Variants in COPG2 observed in about 807,000 individuals in gnomAD.
COPG2 encodes coatomer subunit gamma-2.
Under a neutral mutation model 46.3 loss-of-function variants are expected in COPG2, and 37 were observed. The ratio of observed to expected loss-of-function variants is 0.80; its 90% CI spans 0.61 to 1.05. The LOEUF (loss-of-function observed/expected upper bound fraction) is 1.05. Among genes scored for constraint, COPG2 ranks in the 50% least tolerant of loss-of-function variants. The pLI is 0.00. For synonymous variants in COPG2, 159 were observed against 129.7 expected, an observed-to-expected ratio of 1.23 and a Z score of -1.53; for missense variants, 427 against 387.8, an observed-to-expected ratio of 1.10 and a Z score of -0.85.
At chr7:130,598,774 G>A (rs1315592252) in intron 9 of COPG2, among the ~76,000 whole-genome samples, 2 of 152,108 alleles carry the variant, frequency 1.3e-5, no homozygotes, top group African/African-American at 2.4e-5. Flanking sequence ...ATTTACCAAC[G>A]GGCTATCCAG....
intron 20 of COPG2, among the ~76,000 whole-genome samples, chr7:130,526,950 G>A: frequency 6.9e-6 from 1 of 144,634 alleles, no homozygotes; most frequent in Non-Finnish European, 1.5e-5. Flanking sequence ...GTGGGAATGG[G>A]GGTGGGGGGA....
intron 9 of COPG2, among the ~76,000 whole-genome samples, chr7:130,585,822 T>A (rs945116057): frequency 1.1e-4 from 16 of 152,110 alleles, no homozygotes; most frequent in African/African-American, 3.6e-4. Flanking sequence ...AAACAGTACA[T>A]GTTGGCATGG....
At chr7:130,564,436 G>T in intron 9 of COPG2, 43 bp from the exon 10 acceptor site, 1 of 398,258 alleles carries the variant, frequency 2.5e-6, no homozygotes, top group South Asian at 1.3e-4. Flanking sequence ...ATATCAAATA[G>T]AGAGGCAATA....
At chr7:130,547,544 AC>A in intron 20 of COPG2, 129 bp downstream of exon 20, 1 of 397,416 alleles carries the variant, frequency 2.5e-6, no homozygotes, top group Non-Finnish European at 4.4e-6. Flanking sequence ...ACACAAACAC[AC>A]ACACACAAAC....
chr7:130,557,930 T>C (rs1016127809), intron 12 of COPG2, among the ~76,000 whole-genome samples: 10 of 146,836 alleles, frequency 6.8e-5, no homozygotes, highest in African/African-American at 1.8e-4. Context: ...GAACAGAGTA[T>C]AGCAGTAGTA....
intron 20 of COPG2, chr7:130,510,097 G>A (rs1007806470): frequency 1.9e-6 from 1 of 520,022 alleles, no homozygotes; most frequent in Admixed American, 1.9e-5. Flanking sequence ...CTGGTGAGCT[G>A]AGGCAGTCAA....
chr7:130,508,238 A>AC (rs1799535079), intron 21 of COPG2: 2 of 259,080 alleles, frequency 7.7e-6, no homozygotes, highest in Non-Finnish European at 7.3e-6. Flanking sequence ...AACAAAACCA[A>AC]CCCCCTCCCC....
chr7:130,589,694 A>G (rs1333255205), intron 9 of COPG2, among the ~76,000 whole-genome samples: 2 of 152,238 alleles, frequency 1.3e-5, no homozygotes, highest in African/African-American at 4.8e-5. Flanking sequence ...AACACTAGAT[A>G]CTACAAAACA....
At chr7:130,610,426 A>G (rs943032477) in intron 9 of COPG2, 15 of 420,644 alleles carry the variant, frequency 3.6e-5, no homozygotes, top group African/African-American at 2.7e-4. Flanking sequence ...GCTCAGCCAT[A>G]AGCCTTCAGG....
At chr7:130,594,469 G>C (rs1479806781) in intron 9 of COPG2, among the ~76,000 whole-genome samples, 1 of 152,098 alleles carries the variant, frequency 6.6e-6, no homozygotes, top group East Asian at 1.9e-4. Flanking sequence ...TTTCTTAGGG[G>C]TAATACCAAA....
At chr7:130,561,375 A>G (rs1225801782) in intron 11 of COPG2, among the ~76,000 whole-genome samples, 154 bp from the exon 12 acceptor site, 1 of 152,232 alleles carries the variant, frequency 6.6e-6, no homozygotes, top group Non-Finnish European at 1.5e-5. Context: ...TTAACAAGGT[A>G]TATCTTTTAA....
rs1554461544 is a variant in COPG2, at chr7:130,666,930, C to T, written c.91-1G>A. On this transcript the variant is annotated splice_acceptor_variant, in intron 2 of 23. Coordinates refer to ENST00000425248, the MANE Select transcript of COPG2 (RefSeq NM_012133.6). LOFTEE classifies it high-confidence loss of function. ...TTGGAGTTTCATTGAATATACGAGC[C>T]TATGAAAAAACATAAAAAACATTGC... 1 of 1,524,456 alleles carries T rather than the reference C, an allele frequency of 6.6e-7. No individual in the cohort carries two copies. The highest frequency in any genetic ancestry group is 8.9e-7 in the Non-Finnish European group (1 of 1,121,460). The allele number at this position is 1,524,456 out of a possible 1,614,324, so 94.4% of individuals were successfully genotyped here.
intron 20 of COPG2, among the ~76,000 whole-genome samples, chr7:130,539,936 T>G (rs1340475371): frequency 6.7e-6 from 1 of 150,008 alleles, no homozygotes; most frequent in Non-Finnish European, 1.5e-5. Context: ...TGGACAGCAA[T>G]GGGCAGGAAG....
chr7:130,617,152 A>C (rs1794965585), intron 5 of COPG2, 87 bp from the exon 6 acceptor site: 1 of 682,594 alleles, frequency 1.5e-6, no homozygotes, highest in Admixed American at 2.8e-5. Context: ...TTGTCCCATA[A>C]TTATCTTAAT....
chr7:130,635,845 C>A (rs1386553636), intron 5 of COPG2, among the ~76,000 whole-genome samples: 1 of 152,156 alleles, frequency 6.6e-6, no homozygotes, highest in Non-Finnish European at 1.5e-5. Context: ...GCATTTAGTG[C>A]TATAAATTTC....
intron 3 of COPG2, 111 bp from the exon 4 acceptor site, chr7:130,663,149 A>G (rs1278115049): frequency 1.7e-6 from 1 of 604,644 alleles, no homozygotes; most frequent in African/African-American, 2.0e-5. Flanking sequence ...AGAACTCAAG[A>G]AAAAAGAATC....
At chr7:130,564,672 T>C (rs1339488886) in intron 9 of COPG2, among the ~76,000 whole-genome samples, 2 of 152,188 alleles carry the variant, frequency 1.3e-5, no homozygotes, top group East Asian at 3.8e-4. Flanking sequence ...TTCTGGTGTT[T>C]TAACCTACTC....
chr7:130,645,375 G>C, intron 5 of COPG2: 1 of 550,910 alleles, frequency 1.8e-6, no homozygotes, highest in Non-Finnish European at 3.7e-6. Context: ...ATAGACATCT[G>C]CCCTCCAGGA....
intron 9 of COPG2, 117 bp downstream of exon 9, chr7:130,610,836 A>T: frequency 1.0e-6 from 1 of 992,152 alleles, no homozygotes; most frequent in South Asian, 1.3e-5. Flanking sequence ...ATTGAAAAAC[A>T]TTGAACTCAT....
Sources: allele counts gnomAD v4.1 joint callset (sites outside exome capture counted in the v4.1 genomes callset), GRCh38; gene constraint gnomAD v4.1.1; transcripts MANE v1.5; gene names NCBI Gene and HGNC (gene_info 2026-07-23, HGNC 2026-07-21).